The following EEFSEC variants were observed in gnomAD, a reference collection of about 807,000 sequenced individuals.
The protein encoded by EEFSEC is selenocysteine-specific elongation factor.
EEFSEC carries 43 observed loss-of-function variants against 42.1 expected under a neutral mutation model. The ratio of observed to expected loss-of-function variants is 1.02; its 90% CI spans 0.80 to 1.32. The LOEUF (loss-of-function observed/expected upper bound fraction) is 1.32. EEFSEC is among the 40% of genes most tolerant of loss of function. The probability of loss-of-function intolerance (pLI) is 0.00; values close to 1 mark genes in which losing one functional copy is unlikely to be tolerated. For missense variants in EEFSEC, 745 were observed against 803.6 expected (o/e 0.93, Z 0.88); for synonymous variants, 354 against 339.1 (o/e 1.04, Z -0.48).
intron 5 of EEFSEC, among the ~76,000 whole-genome samples, chr3:128,348,225 A>C (rs1370876021): frequency 1.5e-5 from 2 of 133,350 alleles, no homozygotes; most frequent in East Asian, 1.9e-4. Flanking sequence ...AGATATAGGC[A>C]GATATGGAGA....
intron 6 of EEFSEC, among the ~76,000 whole-genome samples, chr3:128,365,036 G>T (rs1426085139): frequency 6.6e-6 from 1 of 152,232 alleles, no homozygotes; most frequent in Non-Finnish European, 1.5e-5. Flanking sequence ...TAGCCCTGCA[G>T]CCTTCTCCCA....
intron 4 of EEFSEC, among the ~76,000 whole-genome samples, chr3:128,294,326 G>A (rs2066679519): frequency 6.6e-6 from 1 of 152,238 alleles, no homozygotes; most frequent in African/African-American, 2.4e-5. Flanking sequence ...GACAGTTGAA[G>A]TACATACAGG....
At chr3:128,387,186 G>C (rs1180296997) in intron 6 of EEFSEC, among the ~76,000 whole-genome samples, 1 of 152,202 alleles carries the variant, frequency 6.6e-6, no homozygotes, top group African/African-American at 2.4e-5. Context: ...GGGGTCACAG[G>C]GGTATGGGAG....
At chr3:128,200,615 GTTT>G (rs1026507854) in intron 1 of EEFSEC, among the ~76,000 whole-genome samples, 2 of 152,228 alleles carry the variant, frequency 1.3e-5, no homozygotes, top group Non-Finnish European at 2.9e-5. Context: ...TTATGGCCAT[GTTT>G]TTACAGATCC....
At chr3:128,369,995 A>G (rs1032548702) in intron 6 of EEFSEC, among the ~76,000 whole-genome samples, 1 of 152,208 alleles carries the variant, frequency 6.6e-6, no homozygotes, top group African/African-American at 2.4e-5. Context: ...GTCCATTTTC[A>G]GATTCCCCAA....
At chr3:128,218,645 G>T (rs1374514415) in intron 1 of EEFSEC, among the ~76,000 whole-genome samples, 3 of 152,136 alleles carry the variant, frequency 2.0e-5, no homozygotes, top group African/African-American at 7.2e-5. Context: ...CTTGTTCATT[G>T]TTTCGGCACT....
Position 128,341,331 on chromosome 3 carries a change from T to C in EEFSEC, c.885T>C (p.Pro295=). Residue 295 remains proline (P), a synonymous_variant, in exon 5 of 7, where the codon CCT becomes CCC. Coordinates refer to ENST00000254730, the MANE Select transcript of EEFSEC (RefSeq NM_021937.5). Reference sequence around the variant, plus strand: ...GCATCTGCGTCACCCAGTTTGACCCTAAGCTGCTGGAGCGCGGGTTGGTGT... The same window carrying C: ...GCATCTGCGTCACCCAGTTTGACCCCAAGCTGCTGGAGCGCGGGTTGGTGT... ...RLGICVTQFD[P]KLLERGLVCA... 6.2e-7 allele frequency: 1 copy of C among 1,614,170 alleles called. No homozygotes were observed. Among genetic ancestry groups the C allele is most frequent in the Non-Finnish European group, 8.5e-7 (1 of 1,180,040 alleles).
chr3:128,301,825 A>G (rs1048356402), intron 4 of EEFSEC, among the ~76,000 whole-genome samples: 1 of 152,128 alleles, frequency 6.6e-6, no homozygotes, highest in African/African-American at 2.4e-5. Flanking sequence ...GGAGGGGTAG[A>G]GCAGCAGTTC....
At chr3:128,287,724 T>C (rs925032900) in intron 4 of EEFSEC, among the ~76,000 whole-genome samples, 1 of 152,214 alleles carries the variant, frequency 6.6e-6, no homozygotes, top group Non-Finnish European at 1.5e-5. Context: ...AACTACAGCA[T>C]TTATCTTTAA....
intron 4 of EEFSEC, 124 bp downstream of exon 4, chr3:128,264,905 C>A: frequency 8.4e-7 from 1 of 1,191,552 alleles, no homozygotes. Context: ...ACTGCCTGCT[C>A]CGCCCCACCT....
At chr3:128,161,931 G>C (rs896370016) in intron 1 of EEFSEC, among the ~76,000 whole-genome samples, 2 of 152,356 alleles carry the variant, frequency 1.3e-5, no homozygotes, top group Admixed American at 1.3e-4. Flanking sequence ...GCTTGACCAG[G>C]TAGGCCTTGG....
At chr3:128,316,350 C>G (rs1391342500) in intron 4 of EEFSEC, among the ~76,000 whole-genome samples, 2 of 152,144 alleles carry the variant, frequency 1.3e-5, no homozygotes, top group African/African-American at 4.8e-5. Flanking sequence ...GCACAACAGG[C>G]TTCTGTCATA....
chr3:128,342,039 C>A, intron 5 of EEFSEC, 150 bp downstream of exon 5: 1 of 1,154,102 alleles, frequency 8.7e-7, no homozygotes, highest in Non-Finnish European at 1.2e-6. Flanking sequence ...CATCTGATGC[C>A]CAGAATGGTC....
chr3:128,195,184 A>G (rs927145259), intron 1 of EEFSEC, among the ~76,000 whole-genome samples: 1 of 152,220 alleles, frequency 6.6e-6, no homozygotes, highest in Non-Finnish European at 1.5e-5. Flanking sequence ...TTTAGGGCCC[A>G]GGCTGTTCTA....
In EEFSEC at chr3:128,359,210, A is replaced by G. The variant is rs74692613; in HGVS notation, c.1600+837A>G. On this transcript the variant is annotated intron_variant, in intron 6 of 6. Coordinates refer to ENST00000254730, the MANE Select transcript of EEFSEC (RefSeq NM_021937.5). The stretch of plus-strand genomic sequence containing the variant: ...GGGAGAGCATGCCACAGCGAGGGGG[A>G]AGTGAATGTTAAGGTCCTGAGGTGA... Among the ~76,000 whole-genome samples, 3,403 of 151,998 alleles carry G rather than the reference A, an allele frequency of 0.022. 386 individuals carry two copies. In the East Asian group the frequency reaches 0.35, roughly 16 times the overall value.
rs751033900 is a variant in EEFSEC, at chr3:128,368,435, CAAAAAAAACAAAA to C, written c.1600+10071_1600+10083del. Among the ~76,000 whole-genome samples, 1,207 of 129,326 alleles carry C rather than the reference CAAAAAAAACAAAA, an allele frequency of 9.3e-3. 11 individuals carry two copies. The highest frequency in any genetic ancestry group is 0.016 in the Non-Finnish European group (892 of 57,340). The allele number at this position is 129,326 out of a possible 152,430, so 84.8% of individuals were successfully genotyped here. A position where few individuals can be genotyped will look rare whatever the true frequency, so the allele number is the denominator to read the frequency against. Reference sequence around the variant, plus strand: ...GGGTGACAGAGCGAGACTCCATCTCCAAAAAAAACAAAAAAAAAAAAACAAAAAAAGAAGTACA... The same window carrying C: ...GGGTGACAGAGCGAGACTCCATCTCCAAAAAAAAACAAAAAAAGAAGTACA... On this transcript the variant is annotated intron_variant, in intron 6 of 6. Coordinates refer to ENST00000254730, the MANE Select transcript of EEFSEC (RefSeq NM_021937.5).
intron 1 of EEFSEC, among the ~76,000 whole-genome samples, chr3:128,181,870 A>G (rs929674299): frequency 6.6e-6 from 1 of 152,138 alleles, no homozygotes; most frequent in African/African-American, 2.4e-5. Flanking sequence ...CTGGAGTGCA[A>G]TGGCACGATC....
At chr3:128,416,541 A>C in the EEFSEC span, among the ~76,000 whole-genome samples, 1 of 152,092 alleles carries the variant, frequency 6.6e-6, no homozygotes, top group African/African-American at 2.4e-5. Context: ...TCCCTGAAAG[A>C]ATGAACTGCT....
chr3:128,260,412 T>C (rs2066285522), intron 2 of EEFSEC, among the ~76,000 whole-genome samples: 2 of 152,108 alleles, frequency 1.3e-5, no homozygotes, highest in Non-Finnish European at 2.9e-5. Flanking sequence ...GAGAAGTTTT[T>C]GGCTATTAAA....
Sources: gnomAD v4.1 joint callset for allele counts (sites outside exome capture counted in the v4.1 genomes callset) on GRCh38, gnomAD v4.1.1 for gene constraint, MANE v1.5 for transcripts, NCBI Gene and HGNC (gene_info 2026-07-23, HGNC 2026-07-21) for gene names.